HACL1: variants seen among roughly 807,000 people sequenced by gnomAD.
The protein encoded by HACL1 is 2-hydroxyacyl-CoA lyase 1.
HACL1 carries 64 observed loss-of-function variants against 74.2 expected under a neutral mutation model. The observed-to-expected ratio is 0.86, with a 90% CI of 0.70 to 1.06. The LOEUF (loss-of-function observed/expected upper bound fraction) is 1.06, where lower values mean the gene tolerates loss of function less well. HACL1 is among the 50% of genes least tolerant of loss of function. The pLI, the probability that HACL1 is intolerant of heterozygous loss-of-function variation, is 0.00. For synonymous variants in HACL1, 230 were observed against 238.8 expected (o/e 0.96, Z 0.34); for missense variants, 728 against 719.7 (o/e 1.01, Z -0.13).
At chr3:15,583,636 CTCTTTTTTTTTTTTCTTT>C (rs1000434855) in intron 7 of HACL1, among the ~76,000 whole-genome samples, 2 of 150,208 alleles carry the variant, frequency 1.3e-5, no homozygotes, top group Non-Finnish European at 3.0e-5. Flanking sequence ...TACCACATTT[CTCTTTTTTTTTTTTCTTT>C]TCTTTTTTTT....
intron 14 of HACL1, among the ~76,000 whole-genome samples, chr3:15,565,301 A>G (rs568497808): frequency 2.6e-5 from 4 of 152,196 alleles, no homozygotes; most frequent in Non-Finnish European, 4.4e-5. Context: ...AATACTCTCT[A>G]AAGTACCACT....
chr3:15,591,909 T>C (rs181917937), intron 3 of HACL1, among the ~76,000 whole-genome samples: 118 of 150,494 alleles, frequency 7.8e-4, no homozygotes, highest in African/African-American at 2.3e-3. Flanking sequence ...ACACTATATA[T>C]GTATATAGTG....
At chr3:15,562,705 T>C (rs2063363732) in intron 16 of HACL1, among the ~76,000 whole-genome samples, 1 of 152,210 alleles carries the variant, frequency 6.6e-6, no homozygotes, top group Non-Finnish European at 1.5e-5. Context: ...CAACTTACTC[T>C]GGGATAGGAG....
intron 12 of HACL1, among the ~76,000 whole-genome samples, chr3:15,569,221 G>A (rs2063482210): frequency 6.6e-6 from 1 of 152,104 alleles, no homozygotes; most frequent in African/African-American, 2.4e-5. Context: ...TCTGGCCCCA[G>A]GACTGCCTCT....
Position 15,567,025 on chromosome 3 carries a change from G to C in HACL1, c.1409+819C>G, listed in dbSNP as rs371982776. On this transcript the variant is annotated intron_variant, in intron 14 of 16. Transcript: ENST00000321169. ...AGTAGAGATGGGGTTTTACCATGCT[G>C]GCCAGACTGGTCTCTAACTCCTGAC... Among the ~76,000 whole-genome samples, 7 of 151,672 alleles carry C rather than the reference G, an allele frequency of 4.6e-5. No homozygotes were observed. The South Asian group carries it at 6.3e-4, about 14-fold the overall frequency.
chr3:15,583,152 A>G (rs2063740933), intron 7 of HACL1, among the ~76,000 whole-genome samples, 163 bp from the exon 8 acceptor site: 1 of 152,242 alleles, frequency 6.6e-6, no homozygotes, highest in African/African-American at 2.4e-5. Flanking sequence ...TGTTTCATAT[A>G]TACACACATA....
chr3:15,601,030 A>G, intron 2 of HACL1, 60 bp downstream of exon 2: 1 of 1,004,480 alleles, frequency 1.0e-6, no homozygotes, highest in Non-Finnish European at 1.6e-6. Flanking sequence ...TGCAATGCAT[A>G]CCTACCGCTA....
In HACL1 at chr3:15,591,597, T is replaced by C. The variant is rs377652498; in HGVS notation, c.308+3A>G. 12 of 1,553,592 alleles carry C rather than the reference T, an allele frequency of 7.7e-6. No individual in the cohort carries two copies. Among genetic ancestry groups the C allele is most frequent in the African/African-American group, 2.7e-5 (2 of 73,880 alleles). ...ATGTTTTCAGTAATAATAATGTCAT[T>C]ACCAGCAGTTCATGTTTGCATTTGC... On this transcript the variant is annotated splice_donor_region_variant and intron_variant, in intron 4 of 16. Coordinates refer to ENST00000321169, the MANE Select transcript of HACL1 (RefSeq NM_012260.4).
intron 10 of HACL1, among the ~76,000 whole-genome samples, chr3:15,574,059 T>C (rs1309300241): frequency 6.6e-6 from 1 of 152,184 alleles, no homozygotes; most frequent in Non-Finnish European, 1.5e-5. Context: ...AGGGCAACTG[T>C]AGCTGGCTCA....
At position 15,567,864 on chromosome 3, in the gene HACL1, C is replaced by T. The variant is rs967274266; in HGVS notation, c.1389G>A (p.Met463Ile). The T allele has an allele frequency of 2.5e-6, 4 of 1,613,850 alleles. No homozygotes were observed. The African/African-American group carries it at 4.0e-5, about 16-fold the overall frequency. The change falls in exon 14 of 17, where the codon ATG becomes ATA. Residue 463 changes from methionine to isoleucine, a missense_variant. Physicochemically the swap from Met to Ile is conservative, Grantham distance 10 (BLOSUM62 1). Coordinates refer to ENST00000321169, the MANE Select transcript of HACL1 (RefSeq NM_012260.4). ...TTTACCTGCAGATGGTTTCTACCTC[C>T]ATGCCAGAAAACCCAAATGCACTGT... ...EGDSAFGFSG[M>I]EVETICRYNL... is the part of the protein sequence containing the mutation.
chr3:15,592,579 T>C (rs71627136), intron 3 of HACL1, among the ~76,000 whole-genome samples: 9,531 of 116,254 alleles, frequency 0.082, 676 homozygotes, highest in Middle Eastern at 0.14. Flanking sequence ...TGTACGCACA[T>C]GTGTGCGTGT....
intron 12 of HACL1, among the ~76,000 whole-genome samples, chr3:15,570,133 A>G (rs1262134041): frequency 6.6e-6 from 1 of 152,024 alleles, no homozygotes; most frequent in African/African-American, 2.4e-5. Flanking sequence ...TCAAGAGATC[A>G]AGACCATCCT....
In HACL1 at chr3:15,591,742, T is replaced by C. The variant is rs2063899372; in HGVS notation, c.228-62A>G. 6.6e-6 allele frequency: 7 copies of C among 1,067,090 alleles called. No homozygotes were observed. The South Asian group carries it at 6.8e-5, about 10-fold the overall frequency. 66.1% of individuals were successfully genotyped at this position (1,067,090 alleles called of 1,614,324 possible). ...ATGTAACAACTGATTCATAACACTT[T>C]AGTGTGAAACATGGCAATCTTGGAC... On this transcript the variant is annotated intron_variant, in intron 3 of 16. Coordinates refer to ENST00000321169, the MANE Select transcript of HACL1 (RefSeq NM_012260.4).
chr3:15,579,126 A>C (rs1259084236), intron 9 of HACL1, among the ~76,000 whole-genome samples: 3 of 152,204 alleles, frequency 2.0e-5, no homozygotes, highest in African/African-American at 7.2e-5. Context: ...TTGCTAAGAG[A>C]AACCAACAAA....
intron 15 of HACL1, 81 bp downstream of exon 15, chr3:15,564,470 T>A (rs2063397579): frequency 1.4e-6 from 1 of 699,992 alleles, no homozygotes; most frequent in East Asian, 2.7e-5. Context: ...GTAGGCACAT[T>A]ACTGCCAATA....
chr3:15,599,503 C>A (rs1432882296), intron 2 of HACL1, among the ~76,000 whole-genome samples: 1 of 148,688 alleles, frequency 6.7e-6, no homozygotes, highest in Non-Finnish European at 1.5e-5. Flanking sequence ...CCCCCATTGC[C>A]TACTGTTAAA....
Position 15,573,272 on chromosome 3 carries a change from C to A in HACL1, c.910-30G>T, listed in dbSNP as rs549390610. On this transcript the variant is annotated intron_variant, in intron 10 of 16. Transcript: ENST00000321169. ...AAAAGAGACAAGGCTAAAGAACAAC[C>A]CATGTTTATTCTGAAAAATATGTAA... 40 of 1,333,528 alleles carry A rather than the reference C, an allele frequency of 3.0e-5. No homozygotes were observed. In the South Asian group the frequency reaches 3.1e-4, roughly 10 times the overall value. The allele number at this position is 1,333,528 out of a possible 1,614,324, so 82.6% of individuals were successfully genotyped here. A position where few individuals can be genotyped will look rare whatever the true frequency, so the allele number is the denominator to read the frequency against.
chr3:15,589,595 C>G lies in HACL1; in HGVS notation c.326G>C (p.Gly109Ala), dbSNP rs779166870. 2.5e-6 allele frequency: 4 copies of G among 1,607,616 alleles called. No individual in the cohort carries two copies. The highest frequency in any genetic ancestry group is 1.3e-5 in the African/African-American group (1 of 74,766). Reference protein sequence around the residue: ...NMNCWPLLVIGGSSERNQETM... With the variant: ...NMNCWPLLVIAGSSERNQETM... Reference sequence around the variant, plus strand: ...TTCTTGGTTTCTTTCAGAGGAACCACCAATCACAAGCAAGGGCCTGAAACA... The same window carrying G: ...TTCTTGGTTTCTTTCAGAGGAACCAGCAATCACAAGCAAGGGCCTGAAACA... The change falls in exon 5 of 17, where the codon GGT becomes GCT. Residue 109 changes from glycine (G) to alanine (A), a missense_variant. Physicochemically the swap from Gly to Ala is moderately conservative, Grantham distance 60 (BLOSUM62 0). Transcript: ENST00000321169.
At chr3:15,577,094 T>A (rs777300035) in intron 9 of HACL1, among the ~76,000 whole-genome samples, 5 of 152,206 alleles carry the variant, frequency 3.3e-5, no homozygotes, top group Non-Finnish European at 4.4e-5. Flanking sequence ...AGTGTAAGAA[T>A]TAACTTGGTT....
Sources: allele counts gnomAD v4.1 joint callset (sites outside exome capture counted in the v4.1 genomes callset), GRCh38; gene constraint gnomAD v4.1.1; transcripts MANE v1.5; gene names NCBI Gene and HGNC (gene_info 2026-07-23, HGNC 2026-07-21).